The following STK31 variants were observed in gnomAD, a reference collection of about 807,000 sequenced individuals.
STK31 encodes the protein serine/threonine kinase 31.
Under a neutral mutation model 129.7 loss-of-function variants are expected in STK31, and 89 were observed. The observed-to-expected ratio is 0.69, with a 90% CI of 0.58 to 0.82. STK31 has a LOEUF of 0.82. STK31 is among the 40% of genes least tolerant of loss of function. The pLI is 0.00. For missense variants in STK31, 1,187 were observed against 1,176.4 expected (o/e 1.01, Z -0.13); for synonymous variants, 448 against 395.3 (o/e 1.13, Z -1.58).
At chr7:23,807,891 CTT>C (rs1450701690) in intron 22 of STK31, among the ~76,000 whole-genome samples, 1 of 151,640 alleles carries the variant, frequency 6.6e-6, no homozygotes, top group Non-Finnish European at 1.5e-5. Flanking sequence ...CCAATTGATT[CTT>C]TTTTATATCT....
intron 10 of STK31, among the ~76,000 whole-genome samples, chr7:23,761,444 G>A (rs1584401043): frequency 2.0e-5 from 3 of 148,178 alleles, no homozygotes; most frequent in Admixed American, 6.7e-5. Flanking sequence ...TTTTTGAGAC[G>A]GAGTCTCGCT....
chr7:23,800,098 G>C (rs1475725897), intron 22 of STK31, among the ~76,000 whole-genome samples: 2 of 152,194 alleles, frequency 1.3e-5, no homozygotes, highest in Admixed American at 1.3e-4. Context: ...ATGCTGGAGA[G>C]GATGTGGAGA....
At position 23,729,201 on chromosome 7, in the gene STK31, T is replaced by G; in HGVS notation, c.435T>G (p.Leu145=). 2 of 1,611,626 alleles carry G rather than the reference T, an allele frequency of 1.2e-6. No homozygotes were observed. The highest frequency in any genetic ancestry group is 1.7e-6 in the Non-Finnish European group (2 of 1,179,538). ...QFSSVAKKYK[L]WGLHIPSDQE... Reference sequence around the variant, plus strand: ...CTAGTGTTGCCAAAAAGTATAAACTTTGGGGACTACACATTCCTTCTGATC... The same window carrying G: ...CTAGTGTTGCCAAAAAGTATAAACTGTGGGGACTACACATTCCTTCTGATC... The change falls in exon 6 of 24, where the codon CTT becomes CTG. Residue 145 remains leucine (L), a synonymous_variant. Transcript: ENST00000355870.
chr7:23,752,026 A>G (rs1271250661), intron 8 of STK31, among the ~76,000 whole-genome samples: 1 of 152,166 alleles, frequency 6.6e-6, no homozygotes, highest in Non-Finnish European at 1.5e-5. Flanking sequence ...ATTAGGAAAG[A>G]TGAAAAAGTT....
In STK31 at chr7:23,761,654, T is replaced by C. The variant is rs560088218; in HGVS notation, c.1294-1147T>C. On this transcript the variant is annotated intron_variant, in intron 10 of 23. Transcript: ENST00000355870. The stretch of plus-strand genomic sequence containing the variant: ...CGATCTCCTGACCTCATGATCCGCC[T>C]GCCTCGGCCTCCCAAAGTGCTGGGA... Among the ~76,000 whole-genome samples, 434 of 151,362 alleles carry C rather than the reference T, an allele frequency of 2.9e-3. 9 individuals carry two copies. Among genetic ancestry groups the C allele is most frequent in the African/African-American group, 9.7e-3 (399 of 41,142 alleles).
At chr7:23,796,232 T>C (rs74419475) in intron 22 of STK31, among the ~76,000 whole-genome samples, 16,506 of 152,252 alleles carry the variant, frequency 0.11, 1,036 homozygotes, top group East Asian at 0.22. Flanking sequence ...TATGCCTGCA[T>C]GTATATTTAA....
intron 9 of STK31, among the ~76,000 whole-genome samples, chr7:23,753,364 G>A (rs984971967): frequency 6.6e-6 from 1 of 152,158 alleles, no homozygotes; most frequent in African/African-American, 2.4e-5. Flanking sequence ...GAGTGAGTGT[G>A]TGGATGAGGG....
chr7:23,773,266 T>C (rs1790320493), intron 15 of STK31, among the ~76,000 whole-genome samples: 1 of 152,128 alleles, frequency 6.6e-6, no homozygotes, highest in Non-Finnish European at 1.5e-5. Flanking sequence ...ATTGTTCACC[T>C]CATCTTATGA....
intron 8 of STK31, among the ~76,000 whole-genome samples, chr7:23,742,978 A>T (rs1262747448): frequency 7.2e-6 from 1 of 139,422 alleles, no homozygotes; most frequent in Admixed American, 7.5e-5. Context: ...TTTGAGACAG[A>T]GTCTTGCTCT....
intron 8 of STK31, among the ~76,000 whole-genome samples, chr7:23,737,860 A>AGTGTGTGT (rs67303802): frequency 1.3e-5 from 2 of 149,264 alleles, no homozygotes; most frequent in African/African-American, 5.0e-5. Context: ...GTGGTTGATA[A>AGTGTGTGT]GTGTGTGTGT....
rs542189405 is a variant in STK31, at chr7:23,728,365, G to C, written c.325-726G>C. ...TTTCTTTGGTGTGATAAGATGCTAA[G>C]ATGTGACAATTTGATTAATATTCTG... On this transcript the variant is annotated intron_variant, in intron 5 of 23. Coordinates refer to ENST00000355870, the MANE Select transcript of STK31 (RefSeq NM_031414.5). 6.6e-5 allele frequency among the ~76,000 whole-genome samples: 10 copies of C among 152,214 alleles called. No homozygotes were observed. The South Asian group carries it at 1.9e-3, about 28-fold the overall frequency.
intron 22 of STK31, among the ~76,000 whole-genome samples, chr7:23,801,249 C>T (rs1207376546): frequency 6.6e-6 from 1 of 152,184 alleles, no homozygotes; most frequent in East Asian, 1.9e-4. Flanking sequence ...TAGCCATTCT[C>T]ATAGGTGTGT....
intron 22 of STK31, among the ~76,000 whole-genome samples, chr7:23,805,171 G>A (rs765844432): frequency 6.6e-6 from 1 of 151,806 alleles, no homozygotes; most frequent in African/African-American, 2.4e-5. Flanking sequence ...TGCCTCCTAG[G>A]TTCAAGCGAT....
chr7:23,730,424 T>C (rs1447702705), intron 6 of STK31, among the ~76,000 whole-genome samples: 2 of 152,180 alleles, frequency 1.3e-5, no homozygotes, highest in African/African-American at 4.8e-5. Flanking sequence ...AATATAGATA[T>C]TATAAAATTA....
chr7:23,757,414 G>C (rs934477720), intron 10 of STK31, among the ~76,000 whole-genome samples: 1 of 152,082 alleles, frequency 6.6e-6, no homozygotes, highest in Non-Finnish European at 1.5e-5. Context: ...CTACCATCTC[G>C]GAGAGGGGGA....
At chr7:23,788,790 A>G (rs558282963) in intron 21 of STK31, among the ~76,000 whole-genome samples, 44 of 152,192 alleles carry the variant, frequency 2.9e-4, no homozygotes, top group Non-Finnish European at 5.9e-4. Context: ...CAAATCAGTA[A>G]TTATTTTTCT....
chr7:23,723,210 C>T (rs62468593), intron 4 of STK31, among the ~76,000 whole-genome samples: 1 of 152,028 alleles, frequency 6.6e-6, no homozygotes, highest in Non-Finnish European at 1.5e-5. Context: ...CCTCTCTCTC[C>T]TCTTTTCTTT....
At chr7:23,758,066 C>T (rs1306894386) in intron 10 of STK31, among the ~76,000 whole-genome samples, 1 of 152,186 alleles carries the variant, frequency 6.6e-6, no homozygotes, top group Non-Finnish European at 1.5e-5. Context: ...TGCAGATTAA[C>T]AGCATCTCAA....
At chr7:23,723,406 T>A (rs1786847486) in intron 4 of STK31, among the ~76,000 whole-genome samples, 1 of 152,154 alleles carries the variant, frequency 6.6e-6, no homozygotes, top group South Asian at 2.1e-4. Flanking sequence ...ATTCCTCAAT[T>A]TTTAAAATTT....
Sources: gnomAD v4.1 joint callset for allele counts (sites outside exome capture counted in the v4.1 genomes callset) on GRCh38, gnomAD v4.1.1 for gene constraint, MANE v1.5 for transcripts, NCBI Gene and HGNC (gene_info 2026-07-23, HGNC 2026-07-21) for gene names.